ALX1: variants seen among roughly 807,000 people sequenced by gnomAD.
ALX1 encodes ALX homeobox protein 1.
ALX1 carries 19 observed loss-of-function variants against 31.7 expected under a neutral mutation model. The ratio of observed to expected loss-of-function variants is 0.60; its 90% CI spans 0.42 to 0.88. The LOEUF (loss-of-function observed/expected upper bound fraction) is 0.88, where lower values mean the gene tolerates loss of function less well. ALX1 is among the 40% of genes least tolerant of loss of function. The pLI is 0.00. For missense variants in ALX1, 415 were observed against 407.8 expected, an observed-to-expected ratio of 1.02 and a Z score of -0.15; for synonymous variants, 153 against 148.8, an observed-to-expected ratio of 1.03 and a Z score of -0.20.
intron 1 of ALX1, among the ~76,000 whole-genome samples, chr12:85,282,799 T>A (rs1459567536): frequency 6.6e-6 from 1 of 152,166 alleles, no homozygotes; most frequent in Non-Finnish European, 1.5e-5. Context: ...TTTCTGTGTT[T>A]CAGCAGAGAA....
At position 85,283,666 on chromosome 12, in the gene ALX1, G is replaced by A. The variant is rs573445976; in HGVS notation, c.321G>A (p.Val107=). 1.9e-5 allele frequency: 31 copies of A among 1,614,022 alleles called. No homozygotes were observed. The highest frequency in any genetic ancestry group is 2.6e-5 in the Non-Finnish European group (31 of 1,180,026). ...DNCNSLRMSP[V]KGMQEKGELD... is the part of the protein sequence containing the mutation. Reference sequence around the variant, plus strand: ...GTAACAGTCTCCGAATGTCTCCCGTGAAAGGGATGCAAGAGAAGGGAGAGC... The same window carrying A: ...GTAACAGTCTCCGAATGTCTCCCGTAAAAGGGATGCAAGAGAAGGGAGAGC... The change falls in exon 2 of 4, where the codon GTG becomes GTA. Residue 107 remains valine, a synonymous_variant. Transcript: ENST00000316824.
rs534636290 is a variant in ALX1 at position 85,282,640 on chromosome 12, A to G, written c.227-932A>G. Reference sequence around the variant, plus strand: ...CCATTTCACTATGTGCATCCATTGCATTTGTGGGTGTTTGGCATTATATGA... The same window carrying G: ...CCATTTCACTATGTGCATCCATTGCGTTTGTGGGTGTTTGGCATTATATGA... On this transcript the variant is annotated intron_variant, in intron 1 of 3. Transcript: ENST00000316824. 1.1e-4 allele frequency among the ~76,000 whole-genome samples: 17 copies of G among 152,288 alleles called. No individual in the cohort carries two copies. In the South Asian group the frequency reaches 3.5e-3, roughly 32 times the overall value.
chr12:85,285,071 G>C (rs568301677), intron 2 of ALX1, among the ~76,000 whole-genome samples: 1 of 152,188 alleles, frequency 6.6e-6, no homozygotes, highest in East Asian at 1.9e-4. Flanking sequence ...TTTTAGAATT[G>C]TCGAGTATTA....
chr12:85,281,082 C>CT (rs138742385), intron 1 of ALX1, among the ~76,000 whole-genome samples: 7,800 of 151,882 alleles, frequency 0.051, 634 homozygotes, highest in African/African-American at 0.18. Context: ...GTAATTTCTG[C>CT]TTTTTTTTGC....
rs1048186835 is a variant in ALX1 at position 85,286,890 on chromosome 12, G to A, written c.569G>A (p.Arg190Lys). The A allele has an allele frequency of 3.7e-6, 6 of 1,611,332 alleles. No homozygotes were observed. The highest frequency in any genetic ancestry group is 5.1e-6 in the Non-Finnish European group (6 of 1,178,242). ...FQNRRAKWRK[R>K]ERYGQIQQAK... ...AATCGAAGGGCCAAATGGAGAAAAAGGGAACGTTATGGCCAAATACAACAA... is the reference window on the plus strand; with the variant it reads ...AATCGAAGGGCCAAATGGAGAAAAAAGGAACGTTATGGCCAAATACAACAA... Residue 190 changes from arginine (R) to lysine (K), a missense_variant, in exon 3 of 4, where the codon AGG becomes AAG. Physicochemically the swap from Arg to Lys is conservative, Grantham distance 26. Coordinates refer to ENST00000316824, the MANE Select transcript of ALX1 (RefSeq NM_006982.3).
intron 1 of ALX1, among the ~76,000 whole-genome samples, chr12:85,281,547 T>C (rs1045385389): frequency 6.6e-6 from 1 of 152,210 alleles, no homozygotes; most frequent in Non-Finnish European, 1.5e-5. Flanking sequence ...AACACTGGCC[T>C]GTAGAAGCTC....
At chr12:85,286,299 C>G (rs1232253462) in intron 2 of ALX1, among the ~76,000 whole-genome samples, 1 of 151,718 alleles carries the variant, frequency 6.6e-6, no homozygotes, top group African/African-American at 2.4e-5. Context: ...TCATGATGTT[C>G]CTGCTGCTGC....
At position 85,283,910 on chromosome 12, in the gene ALX1, T is replaced by C. The variant is rs371508817; in HGVS notation, c.531+34T>C. 1.4e-5 allele frequency: 22 copies of C among 1,605,136 alleles called. No homozygotes were observed. The East Asian group carries it at 3.6e-4, about 26-fold the overall frequency. On this transcript the variant is annotated intron_variant, in intron 2 of 3. Transcript: ENST00000316824. Reference sequence around the variant, plus strand: ...CAAAAAGAGGCCTTGATGGATGGGATAGGAAAATAAATGGTGTTAGAATAA... The same window carrying C: ...CAAAAAGAGGCCTTGATGGATGGGACAGGAAAATAAATGGTGTTAGAATAA...
chr12:85,286,159 C>T (rs1446182663), intron 2 of ALX1, among the ~76,000 whole-genome samples: 1 of 151,772 alleles, frequency 6.6e-6, no homozygotes, highest in Non-Finnish European at 1.5e-5. Context: ...AAATAAGTTG[C>T]ATAATGTATG....
At chr12:85,282,553 A>C (rs530140713) in intron 1 of ALX1, among the ~76,000 whole-genome samples, 1 of 152,206 alleles carries the variant, frequency 6.6e-6, no homozygotes, top group Non-Finnish European at 1.5e-5. Flanking sequence ...TGAAAAAAGT[A>C]TGATCATCTA....
rs1896971048 is a variant in ALX1 at position 85,301,768 on chromosome 12, T to A, written c.*293T>A. On this transcript the variant is annotated 3_prime_UTR_variant, in exon 4 of 4. Transcript: ENST00000316824. Reference sequence around the variant, plus strand: ...TATGATCACGCAACTTATTAAAGAATAAATGTGTTAAACAAATTCTTCTGT... The same window carrying A: ...TATGATCACGCAACTTATTAAAGAAAAAATGTGTTAAACAAATTCTTCTGT... The A allele has an allele frequency of 5.2e-6, 2 of 381,110 alleles. No individual in the cohort carries two copies. The highest frequency in any genetic ancestry group is 9.5e-6 in the Non-Finnish European group (2 of 211,374). 23.6% of individuals were successfully genotyped at this position (381,110 alleles called of 1,614,324 possible). A position where few individuals can be genotyped will look rare whatever the true frequency, so the allele number is the denominator to read the frequency against.
In ALX1 at chr12:85,287,453, G is replaced by GTT. The variant is rs1236366598; in HGVS notation, c.660+483_660+484dup. Among the ~76,000 whole-genome samples, 393 of 137,556 alleles carry GTT rather than the reference G, an allele frequency of 2.9e-3. 3 individuals are homozygous for GTT. The highest frequency in any genetic ancestry group is 9.3e-3 in the African/African-American group (358 of 38,534). The allele number at this position is 137,556 out of a possible 152,430, so 90.2% of individuals were successfully genotyped here. A position where few individuals can be genotyped will look rare whatever the true frequency, so the allele number is the denominator to read the frequency against. ...TTTAAAAATGTGTCTCTTTTTCTATGTTTTTTTTTTTTCAGTTTTCAAATT... is the reference window on the plus strand; with the variant it reads ...TTTAAAAATGTGTCTCTTTTTCTATGTTTTTTTTTTTTTTCAGTTTTCAAATT... On this transcript the variant is annotated intron_variant, in intron 3 of 3. Transcript: ENST00000316824.
intron 2 of ALX1, among the ~76,000 whole-genome samples, chr12:85,285,103 G>C (rs1236941226): frequency 6.6e-6 from 1 of 152,066 alleles, no homozygotes; most frequent in Non-Finnish European, 1.5e-5. Flanking sequence ...GTAAGTTTGA[G>C]ATTTTTGTCT....
At chr12:85,290,561 G>A (rs1896804967) in intron 3 of ALX1, among the ~76,000 whole-genome samples, 1 of 151,098 alleles carries the variant, frequency 6.6e-6, no homozygotes, top group South Asian at 2.1e-4. Context: ...AAACAAATAA[G>A]AAAGTGAGAG....
chr12:85,294,417 C>G (rs534230307), intron 3 of ALX1, among the ~76,000 whole-genome samples: 1 of 151,050 alleles, frequency 6.6e-6, no homozygotes, highest in South Asian at 2.1e-4. Flanking sequence ...TAGGTGTTAC[C>G]ATTTTATTTC....
chr12:85,295,360 A>G (rs1453922894), intron 3 of ALX1, among the ~76,000 whole-genome samples: 1 of 151,580 alleles, frequency 6.6e-6, no homozygotes, highest in East Asian at 1.9e-4. Flanking sequence ...TAAATGTTAC[A>G]GGAATATACT....
At position 85,298,020 on chromosome 12, in the gene ALX1, AC is replaced by A. The variant is rs1896911838; in HGVS notation, c.661-3133del. Reference sequence around the variant, plus strand: ...CTTAATAACTTTGTATTAAGGACTTACCTTGTACCACATTAGACCTGAGGAT... The same window carrying A: ...CTTAATAACTTTGTATTAAGGACTTACTTGTACCACATTAGACCTGAGGAT... On this transcript the variant is annotated intron_variant, in intron 3 of 3. Coordinates refer to ENST00000316824, the MANE Select transcript of ALX1 (RefSeq NM_006982.3). 2.0e-5 allele frequency among the ~76,000 whole-genome samples: 3 copies of A among 151,792 alleles called. No individual in the cohort carries two copies. The South Asian group carries it at 6.2e-4, about 31-fold the overall frequency.
chr12:85,301,113 G>T, intron 3 of ALX1, 42 bp from the exon 4 acceptor site: 1 of 1,606,018 alleles, frequency 6.2e-7, no homozygotes, highest in South Asian at 1.1e-5. Context: ...GAACAAAAGT[G>T]AGAACATGTA....
intron 3 of ALX1, among the ~76,000 whole-genome samples, chr12:85,299,605 C>T (rs1158780762): frequency 6.6e-6 from 1 of 151,696 alleles, no homozygotes; most frequent in Non-Finnish European, 1.5e-5. Context: ...TATGTAAGCA[C>T]CTTGCCAATC....
Sources: allele counts gnomAD v4.1 joint callset (sites outside exome capture counted in the v4.1 genomes callset), GRCh38; gene constraint gnomAD v4.1.1; transcripts MANE v1.5; gene names NCBI Gene and HGNC (gene_info 2026-07-23, HGNC 2026-07-21).